Variants in DMD observed in about 807,000 individuals in gnomAD.
DMD encodes dystrophin.
In DMD, 63 loss-of-function variants were observed where a neutral mutation model predicts 330.1. That is an observed-to-expected ratio of 0.19 (90% CI 0.16 to 0.24). The LOEUF (loss-of-function observed/expected upper bound fraction) is 0.24. Ranked by LOEUF, DMD falls within the 10% of genes least tolerant of loss-of-function variation. The pLI, the probability that DMD is intolerant of heterozygous loss-of-function variation, is 1.00. For missense variants in DMD, 3,344 were observed against 2,684.1 expected (o/e 1.25, Z -5.43); for synonymous variants, 1,223 against 959.8 (o/e 1.27, Z -5.07).
chrX:33,109,265 C>T (rs1435458329), intron 1 of DMD, among the ~76,000 whole-genome samples: 3 of 111,344 alleles, frequency 2.7e-5, no homozygotes, highest in Non-Finnish European at 3.8e-5. Flanking sequence ...CCAATAATAA[C>T]GGTCTTAAAG....
intron 54 of DMD, among the ~76,000 whole-genome samples, chrX:31,657,044 T>C (rs1458235637): frequency 8.9e-6 from 1 of 112,065 alleles, no homozygotes; most frequent in East Asian, 2.8e-4. Flanking sequence ...CTTCCTACTC[T>C]TAGTTCAAAA....
intron 21 of DMD, among the ~76,000 whole-genome samples, chrX:32,474,522 G>A (rs1177151183): frequency 9.0e-6 from 1 of 111,366 alleles, no homozygotes; most frequent in Non-Finnish European, 1.9e-5. Context: ...ACGCAAACAT[G>A]TACTTTTTAA....
intron 9 of DMD, among the ~76,000 whole-genome samples, chrX:32,683,432 C>G (rs7889610): frequency 0.14 from 15,678 of 108,587 alleles, 2,867 homozygotes; most frequent in African/African-American, 0.49. Flanking sequence ...AGAAAATGTG[C>G]CACATATACA....
chrX:31,445,782 T>C (rs759985344), intron 59 of DMD, among the ~76,000 whole-genome samples: 15 of 111,751 alleles, frequency 1.3e-4, no homozygotes, highest in African/African-American at 4.2e-4. Flanking sequence ...AAGAACCCTA[T>C]GCAGATATGG....
intron 7 of DMD, among the ~76,000 whole-genome samples, chrX:32,725,183 C>G (rs886202609): frequency 2.7e-5 from 3 of 111,079 alleles, no homozygotes; most frequent in African/African-American, 6.5e-5. Context: ...GGTAAAGACT[C>G]TAATATATAA....
chrX:31,409,368 C>T (rs2061542673), intron 60 of DMD, among the ~76,000 whole-genome samples: 1 of 111,870 alleles, frequency 8.9e-6, no homozygotes, highest in East Asian at 2.8e-4. Context: ...TAAGTCATGC[C>T]CAGCAGCATT....
chrX:32,808,122 A>C (rs2077090251), intron 7 of DMD, among the ~76,000 whole-genome samples: 1 of 111,804 alleles, frequency 8.9e-6, no homozygotes, highest in Admixed American at 9.5e-5. Flanking sequence ...CCTATACTGC[A>C]AACTAAGGAC....
At chrX:32,477,820 TAAC>T (rs2041396545) in intron 21 of DMD, among the ~76,000 whole-genome samples, 1 of 111,282 alleles carries the variant, frequency 9.0e-6, no homozygotes. Flanking sequence ...AAGGAAGACG[TAAC>T]TGTGCCAACC....
intron 1 of DMD, chrX:33,128,182 G>C: frequency 8.3e-7 from 1 of 1,205,078 alleles, no homozygotes. Flanking sequence ...TTCTGCGGAG[G>C]CTGGCTACAC....
chrX:32,036,063 G>C (rs751672864), intron 44 of DMD, among the ~76,000 whole-genome samples: 2 of 111,776 alleles, frequency 1.8e-5, no homozygotes, highest in East Asian at 5.7e-4. Flanking sequence ...GAGTAGACAA[G>C]TGAGAGAGTC....
At chrX:31,500,716 G>T (rs1276136910) in intron 56 of DMD, among the ~76,000 whole-genome samples, 1 of 111,555 alleles carries the variant, frequency 9.0e-6, no homozygotes, top group East Asian at 2.8e-4. Context: ...AGGCTGTTGG[G>T]GTTGGAAGGA....
intron 2 of DMD, among the ~76,000 whole-genome samples, chrX:32,997,628 G>T (rs1204889134): frequency 3.6e-5 from 4 of 111,725 alleles, no homozygotes; most frequent in Non-Finnish European, 7.5e-5. Flanking sequence ...GGACTATTTT[G>T]AGCTAAAGGC....
chrX:31,675,968 G>A (rs1174144898), intron 53 of DMD, among the ~76,000 whole-genome samples: 1 of 111,921 alleles, frequency 8.9e-6, no homozygotes, highest in Admixed American at 9.5e-5. Context: ...TTCTTTTTAC[G>A]TTCAGGTATG....
chrX:33,055,914 G>A (rs1039037273), intron 1 of DMD, among the ~76,000 whole-genome samples: 6 of 110,247 alleles, frequency 5.4e-5, no homozygotes, highest in African/African-American at 9.9e-5. Flanking sequence ...ATAAAGTAAT[G>A]AATGTATTGT....
chrX:32,707,857 G>T (rs2064823978), intron 7 of DMD, among the ~76,000 whole-genome samples: 1 of 111,669 alleles, frequency 9.0e-6, no homozygotes, highest in African/African-American at 3.3e-5. Flanking sequence ...CATGCCTGTT[G>T]TGGGAAGAAC....
At chrX:32,369,627 C>T (rs2097865784) in intron 34 of DMD, among the ~76,000 whole-genome samples, 1 of 111,046 alleles carries the variant, frequency 9.0e-6, no homozygotes, top group African/African-American at 3.3e-5. Flanking sequence ...CTCACTTAAC[C>T]TCTATTCTCT....
chrX:32,233,599 T>TTTTTA (rs2097176529), intron 43 of DMD, among the ~76,000 whole-genome samples: 1 of 87,960 alleles, frequency 1.1e-5, no homozygotes, highest in Non-Finnish European at 2.3e-5. Flanking sequence ...TTTCTTTTTC[T>TTTTTA]TTTATTTATT....
chrX:31,411,002 G>A (rs1239790835), intron 60 of DMD, among the ~76,000 whole-genome samples: 1 of 100,251 alleles, frequency 1.0e-5, no homozygotes, highest in Non-Finnish European at 2.0e-5. Flanking sequence ...CTGACCTCAA[G>A]TGATCCCCCT....
chrX:32,850,749 G>A lies in DMD; in HGVS notation c.94-929C>T, dbSNP rs145187474. 8.0e-3 allele frequency among the ~76,000 whole-genome samples: 891 copies of A among 111,388 alleles called. 6 individuals are homozygous for A. Among genetic ancestry groups the A allele is most frequent in the East Asian group, 0.05 (175 of 3,523 alleles). On this transcript the variant is annotated intron_variant, in intron 2 of 78. Transcript: ENST00000357033. ...GTCATACTTCACCAAATCGTTTTCT[G>A]CTTAAAACCCTACAATCCCCTCATG...
Sources: allele counts gnomAD v4.1 joint callset (sites outside exome capture counted in the v4.1 genomes callset), GRCh38; gene constraint gnomAD v4.1.1; transcripts MANE v1.5; gene names NCBI Gene and HGNC (gene_info 2026-07-23, HGNC 2026-07-21).